R3HDM1: variants seen among roughly 807,000 people sequenced by gnomAD.
The protein encoded by R3HDM1 is R3H domain-containing protein 1.
In R3HDM1, 46 loss-of-function variants were observed where a neutral mutation model predicts 141.1. The observed-to-expected ratio is 0.33, with a 90% CI of 0.26 to 0.42. The LOEUF (loss-of-function observed/expected upper bound fraction) is 0.42. Ranked by LOEUF, R3HDM1 falls within the 10% of genes least tolerant of loss-of-function variation. The pLI, the probability that R3HDM1 is intolerant of heterozygous loss-of-function variation, is 1.00. For missense variants in R3HDM1, 1,184 were observed against 1,368.3 expected (o/e 0.87, Z 2.12); for synonymous variants, 435 against 472.9 (o/e 0.92, Z 1.04).
chr2:135,612,435 T>G (rs1354266805), intron 3 of R3HDM1, among the ~76,000 whole-genome samples: 13 of 152,216 alleles, frequency 8.5e-5, no homozygotes, highest in Admixed American at 8.5e-4. Context: ...TGATATTTAA[T>G]TGGTTATTTT....
intron 1 of R3HDM1, among the ~76,000 whole-genome samples, chr2:135,587,684 A>C (rs1180914064): frequency 6.6e-6 from 1 of 152,026 alleles, no homozygotes; most frequent in Non-Finnish European, 1.5e-5. Context: ...AGCAACACAT[A>C]CTCTCAGTTC....
chr2:135,660,706 C>T (rs2066582014), intron 18 of R3HDM1, among the ~76,000 whole-genome samples: 1 of 151,992 alleles, frequency 6.6e-6, no homozygotes, highest in East Asian at 1.9e-4. Flanking sequence ...ATTAGCTGGG[C>T]ATGGTGGCAC....
chr2:135,543,785 T>C (rs1698121169), intron 1 of R3HDM1, among the ~76,000 whole-genome samples: 4 of 152,332 alleles, frequency 2.6e-5, no homozygotes, highest in Middle Eastern at 3.4e-3. Flanking sequence ...CACTCTGATA[T>C]ATGTGGTTTG....
At chr2:135,600,589 G>A (rs367618332) in intron 1 of R3HDM1, among the ~76,000 whole-genome samples, 1 of 152,152 alleles carries the variant, frequency 6.6e-6, no homozygotes, top group African/African-American at 2.4e-5. Flanking sequence ...GTTATTTACC[G>A]AAAATATAAC....
chr2:135,626,094 C>A (rs931724961), intron 7 of R3HDM1, among the ~76,000 whole-genome samples: 1 of 152,130 alleles, frequency 6.6e-6, no homozygotes, highest in African/African-American at 2.4e-5. Context: ...GAGCCCCAAA[C>A]TGTGGGATCT....
At chr2:135,685,331 TAAC>T (rs1332044023) in intron 21 of R3HDM1, among the ~76,000 whole-genome samples, 1 of 152,102 alleles carries the variant, frequency 6.6e-6, no homozygotes, top group East Asian at 1.9e-4. Context: ...ATTCATATAC[TAAC>T]ACAGATATGG....
chr2:135,700,594 A>G (rs1433329537), intron 21 of R3HDM1, among the ~76,000 whole-genome samples: 1 of 152,242 alleles, frequency 6.6e-6, no homozygotes, highest in Non-Finnish European at 1.5e-5. Context: ...ATTTTCAAAG[A>G]CATCGCTTCT....
chr2:135,601,283 T>C (rs2059604231), intron 1 of R3HDM1, among the ~76,000 whole-genome samples: 1 of 152,228 alleles, frequency 6.6e-6, no homozygotes, highest in Non-Finnish European at 1.5e-5. Context: ...TTGTTTTTGA[T>C]ACCCCCTTTT....
At chr2:135,699,639 C>G (rs937424428) in intron 21 of R3HDM1, among the ~76,000 whole-genome samples, 1 of 152,054 alleles carries the variant, frequency 6.6e-6, no homozygotes, top group African/African-American at 2.4e-5. Context: ...GAAGAATGTT[C>G]TAAAGTTTTG....
At chr2:135,668,468 C>A (rs537842744) in intron 19 of R3HDM1, among the ~76,000 whole-genome samples, 1 of 152,280 alleles carries the variant, frequency 6.6e-6, no homozygotes, top group East Asian at 1.9e-4. Flanking sequence ...ATATTCCTGT[C>A]CTAATGCCAG....
intron 1 of R3HDM1, chr2:135,586,992 A>G: frequency 1.0e-6 from 1 of 984,906 alleles, no homozygotes; most frequent in Non-Finnish European, 1.2e-6. Context: ...AACTCATGGT[A>G]ACGGTTTTCT....
rs190848431 is a variant in R3HDM1 at position 135,618,546 on chromosome 2, A to G, written c.303+1789A>G. ...TTGATATAATAGATGCATTTTAGCA[A>G]TGAAATAGACTTTCTAGCAAAAAGC... On this transcript the variant is annotated intron_variant, in intron 5 of 26. Coordinates refer to ENST00000683871, the MANE Select transcript of R3HDM1 (RefSeq NM_001378107.1). Among the ~76,000 whole-genome samples, 139 of 151,086 alleles carry G rather than the reference A, an allele frequency of 9.2e-4. 1 individual carries two copies. The highest frequency in any genetic ancestry group is 3.2e-3 in the African/African-American group (132 of 40,952).
At chr2:135,678,087 C>G (rs1431862705) in intron 20 of R3HDM1, among the ~76,000 whole-genome samples, 1 of 152,092 alleles carries the variant, frequency 6.6e-6, no homozygotes, top group Non-Finnish European at 1.5e-5. Context: ...GCTTCAGCCT[C>G]CCTAGTAGCT....
At chr2:135,594,002 G>A (rs1358958814) in intron 1 of R3HDM1, among the ~76,000 whole-genome samples, 4 of 152,196 alleles carry the variant, frequency 2.6e-5, no homozygotes, top group Non-Finnish European at 4.4e-5. Flanking sequence ...TTACAGGCAT[G>A]AGCCACTGCG....
intron 1 of R3HDM1, chr2:135,565,693 C>T (rs1702627864): frequency 6.6e-6 from 1 of 151,868 alleles, no homozygotes; most frequent in African/African-American, 2.4e-5. Context: ...AATTACTGCT[C>T]AGAGCCAGAC....
intron 1 of R3HDM1, among the ~76,000 whole-genome samples, chr2:135,585,714 A>G (rs903578557): frequency 6.6e-6 from 1 of 152,198 alleles, no homozygotes; most frequent in African/African-American, 2.4e-5. Flanking sequence ...CCGCCACTTG[A>G]GCTAATATAG....
intron 3 of R3HDM1, among the ~76,000 whole-genome samples, chr2:135,610,275 A>G (rs953293200): frequency 6.6e-6 from 1 of 152,194 alleles, no homozygotes; most frequent in African/African-American, 2.4e-5. Context: ...GAACAGTTCA[A>G]ACAATGCCTC....
At chr2:135,694,380 T>C (rs1291793260) in intron 21 of R3HDM1, among the ~76,000 whole-genome samples, 1 of 152,194 alleles carries the variant, frequency 6.6e-6, no homozygotes, top group East Asian at 1.9e-4. Flanking sequence ...GTGCTGACTT[T>C]GGCATCTTAC....
chr2:135,579,670 C>G (rs773611748), intron 1 of R3HDM1, among the ~76,000 whole-genome samples: 2 of 152,008 alleles, frequency 1.3e-5, no homozygotes, highest in Admixed American at 6.6e-5. Context: ...GACACGCCAG[C>G]GTCATGTGTT....
Sources: gnomAD v4.1 joint callset for allele counts (sites outside exome capture counted in the v4.1 genomes callset) on GRCh38, gnomAD v4.1.1 for gene constraint, MANE v1.5 for transcripts, NCBI Gene and HGNC (gene_info 2026-07-23, HGNC 2026-07-21) for gene names.